CAPN14: variants seen among roughly 807,000 people sequenced by gnomAD.
The protein encoded by CAPN14 is calpain 14, also known as calpain-14.
In CAPN14, 94 loss-of-function variants were observed where a neutral mutation model predicts 101.3. The observed-to-expected ratio is 0.93, with a 90% CI of 0.79 to 1.10. The LOEUF is 1.10. Ranked by LOEUF, CAPN14 falls within the 50% of genes least tolerant of loss-of-function variation. The pLI, the probability that CAPN14 is intolerant of heterozygous loss-of-function variation, is 0.00. For synonymous variants in CAPN14, 338 were observed against 317.9 expected (o/e 1.06, Z -0.67); for missense variants, 837 against 828.4 (o/e 1.01, Z -0.13).
chr2:31,183,792 T>TTTCC (rs145702408), intron 16 of CAPN14, among the ~76,000 whole-genome samples: 49,250 of 149,778 alleles, frequency 0.33, 9,619 homozygotes, highest in African/African-American at 0.54. Context: ...TCTTCCCTCC[T>TTTCC]TTCCTTCCTT....
At chr2:31,219,515 C>T (rs1682797156), upstream of CAPN14, among the ~76,000 whole-genome samples, 1 of 152,204 alleles carries the variant, frequency 6.6e-6, no homozygotes, top group African/African-American at 2.4e-5. Flanking sequence ...GATTTATGAC[C>T]AGAAATTTAC....
chr2:31,205,311 T>C lies in CAPN14; in HGVS notation c.137A>G (p.Asp46Gly), dbSNP rs1285324498. The change falls in exon 2 of 22, where the codon GAC becomes GGC. Residue 46 changes from aspartate to glycine, a missense_variant. Coordinates refer to ENST00000403897, the MANE Select transcript of CAPN14 (RefSeq NM_001145122.2). ...GCTCAGGGTGGCCGGGAAGCTGGTGTCTTCAAAGAGGCAGCCATTCCTCAG... is the reference window on the plus strand; with the variant it reads ...GCTCAGGGTGGCCGGGAAGCTGGTGCCTTCAAAGAGGCAGCCATTCCTCAG... ...ECLRNGCLFE[D>G]TSFPATLSSI... The C allele has an allele frequency of 1.2e-5, 18 of 1,550,602 alleles. No homozygotes were observed. The highest frequency in any genetic ancestry group is 1.6e-5 in the Non-Finnish European group (18 of 1,146,956).
At chr2:31,223,542 CTTTTT>C (rs35488335) in intron 2 of CAPN14, among the ~76,000 whole-genome samples, 7 of 132,064 alleles carry the variant, frequency 5.3e-5, no homozygotes, top group African/African-American at 1.5e-4. Flanking sequence ...TTTTTCTTTT[CTTTTT>C]TTTTTTTTTT....
At chr2:31,213,609 T>C (rs1374710024) in intron 1 of CAPN14, among the ~76,000 whole-genome samples, 1 of 152,382 alleles carries the variant, frequency 6.6e-6, no homozygotes, top group Non-Finnish European at 1.5e-5. Flanking sequence ...ATGTGGTTGG[T>C]TGAATCCATC....
At chr2:31,208,410 C>T (rs1357121617) in intron 1 of CAPN14, among the ~76,000 whole-genome samples, 3 of 152,174 alleles carry the variant, frequency 2.0e-5, no homozygotes, top group African/African-American at 7.2e-5. Flanking sequence ...CTCCCTCAGG[C>T]TCATGCCCTC....
intron 6 of CAPN14, 46 bp from the exon 7 acceptor site, chr2:31,199,578 C>T: frequency 6.7e-7 from 1 of 1,488,082 alleles, no homozygotes; most frequent in Non-Finnish European, 9.1e-7. Flanking sequence ...TTATGTACAG[C>T]TTATTCTTTG....
rs1680330921 is a variant in CAPN14, at chr2:31,177,012, TC to T, written c.1972+13del. 5 of 1,538,932 alleles carry T rather than the reference TC, an allele frequency of 3.2e-6. No homozygotes were observed. The highest frequency in any genetic ancestry group is 4.4e-6 in the Non-Finnish European group (5 of 1,135,938). On this transcript the variant is annotated intron_variant, in intron 20 of 21. Transcript: ENST00000403897. ...GAGGAAGACCTGGCCCTCCCCAGCT[TC>T]CCGCCAGCTTACCCTCCATGTTCTC...
chr2:31,186,314 T>C, intron 16 of CAPN14, 114 bp downstream of exon 16: 1 of 597,536 alleles, frequency 1.7e-6, no homozygotes, highest in South Asian at 3.2e-5. Context: ...ATAGCCAGAG[T>C]TGAGACCAGT....
At chr2:31,232,361 G>A (rs4952072) in intron 1 of CAPN14, among the ~76,000 whole-genome samples, 76,643 of 152,012 alleles carry the variant, frequency 0.5, 21,558 homozygotes, top group East Asian at 0.75. Context: ...TTTTGAGTCT[G>A]ACCTCTTCTC....
At chr2:31,186,520 T>G in intron 15 of CAPN14, 35 bp from the exon 16 acceptor site, 1 of 1,508,868 alleles carries the variant, frequency 6.6e-7, no homozygotes. Flanking sequence ...AAAAAATAAC[T>G]GTTACTGAAG....
chr2:31,198,812 T>C lies in CAPN14; in HGVS notation c.789+658A>G, dbSNP rs77558967. Reference sequence around the variant, plus strand: ...GCTTACACTGCTCCCTCCACCAGAATGCCCTTCTCGCCCCGTGCAAATCTA... The same window carrying C: ...GCTTACACTGCTCCCTCCACCAGAACGCCCTTCTCGCCCCGTGCAAATCTA... On this transcript the variant is annotated intron_variant, in intron 7 of 21. Transcript: ENST00000403897. Among the ~76,000 whole-genome samples the C allele has an allele frequency of 1.2e-3, 177 of 152,276 alleles. 1 individual carries two copies. Among genetic ancestry groups the C allele is most frequent in the Non-Finnish European group, 2.1e-3 (144 of 68,012 alleles).
At chr2:31,207,113 ATGTACATGCC>A (rs1682137778) in intron 1 of CAPN14, among the ~76,000 whole-genome samples, 1 of 152,194 alleles carries the variant, frequency 6.6e-6, no homozygotes, top group Non-Finnish European at 1.5e-5. Context: ...TTGGGACAGA[ATGTACATGCC>A]CTAAAAGTAA....
chr2:31,176,737 T>C, intron 20 of CAPN14, 95 bp from the exon 21 acceptor site: 1 of 1,194,092 alleles, frequency 8.4e-7, no homozygotes, highest in Admixed American at 2.0e-5. Flanking sequence ...ACCACATCCA[T>C]TCTGAAAACG....
intron 1 of CAPN14, among the ~76,000 whole-genome samples, chr2:31,216,581 T>G (rs1009290550): frequency 6.6e-6 from 1 of 152,052 alleles, no homozygotes; most frequent in African/African-American, 2.4e-5. Flanking sequence ...AGTACCTAAC[T>G]CATCCAAGAA....
At chr2:31,223,545 T>TTTA (rs1682925389) in intron 2 of CAPN14, among the ~76,000 whole-genome samples, 1 of 148,740 alleles carries the variant, frequency 6.7e-6, no homozygotes, top group African/African-American at 2.5e-5. Flanking sequence ...TTCTTTTCTT[T>TTTA]TTTTTTTTTT....
At chr2:31,233,910 G>C (rs1279258890), upstream of CAPN14, 1 of 152,370 alleles carries the variant, frequency 6.6e-6, no homozygotes, top group Non-Finnish European at 1.5e-5. Flanking sequence ...TTCCCAAATC[G>C]AAGCCCCAGA....
chr2:31,198,573 T>C (rs1395786676), intron 7 of CAPN14, among the ~76,000 whole-genome samples: 4 of 152,190 alleles, frequency 2.6e-5, no homozygotes, highest in African/African-American at 9.7e-5. Context: ...GCTATATAAA[T>C]TTTGTTAATA....
At chr2:31,205,608 T>G in intron 1 of CAPN14, 109 bp from the exon 2 acceptor site, 1 of 660,934 alleles carries the variant, frequency 1.5e-6, no homozygotes, top group Admixed American at 2.6e-5. Flanking sequence ...AGTCAGCTGG[T>G]GAGAAAGAGA....
chr2:31,191,176 A>C (rs925882652), intron 12 of CAPN14, among the ~76,000 whole-genome samples: 1 of 152,164 alleles, frequency 6.6e-6, no homozygotes, highest in Admixed American at 6.5e-5. Context: ...AGACTTTCCC[A>C]TAGATGCATG....
Sources: gnomAD v4.1 joint callset for allele counts (sites outside exome capture counted in the v4.1 genomes callset) on GRCh38, gnomAD v4.1.1 for gene constraint, MANE v1.5 for transcripts, NCBI Gene and HGNC (gene_info 2026-07-23, HGNC 2026-07-21) for gene names.